Variants in RBMS3 observed in about 807,000 individuals in gnomAD.
RBMS3 encodes the protein RNA binding motif single stranded interacting protein 3.
RBMS3 carries 27 observed loss-of-function variants against 66.8 expected under a neutral mutation model. The ratio of observed to expected loss-of-function variants is 0.40; its 90% CI spans 0.30 to 0.56. RBMS3 has a LOEUF of 0.56. Among genes scored for constraint, RBMS3 ranks in the 20% least tolerant of loss-of-function variants. RBMS3 has a pLI of 0.40. For synonymous variants in RBMS3, 188 were observed against 183.0 expected (o/e 1.03, Z -0.22); for missense variants, 513 against 549.5 (o/e 0.93, Z 0.66).
intron 1 of RBMS3, among the ~76,000 whole-genome samples, chr3:29,311,758 G>C (rs1374575628): frequency 6.6e-6 from 1 of 151,786 alleles, no homozygotes; most frequent in African/African-American, 2.4e-5. Flanking sequence ...CGGAAGAGAA[G>C]ATTAGGGGGA....
chr3:29,993,834 G>A (rs1263958756), intron 14 of RBMS3, among the ~76,000 whole-genome samples: 1 of 152,178 alleles, frequency 6.6e-6, no homozygotes, highest in Non-Finnish European at 1.5e-5. Flanking sequence ...CAGTCTGCCA[G>A]CTGCAGATCA....
At chr3:29,893,689 C>G (rs1207019790) in intron 8 of RBMS3, among the ~76,000 whole-genome samples, 3 of 151,466 alleles carry the variant, frequency 2.0e-5, no homozygotes, top group African/African-American at 4.8e-5. Context: ...TAGAAAAGGA[C>G]TGTCTTTTTT....
intron 2 of RBMS3, among the ~76,000 whole-genome samples, chr3:29,444,223 G>A (rs548791414): frequency 1.2e-4 from 18 of 151,972 alleles, no homozygotes; most frequent in Non-Finnish European, 2.2e-4. Flanking sequence ...TATTTTGCAC[G>A]TGAGTACTTC....
At chr3:29,647,630 T>C (rs1021648399) in intron 4 of RBMS3, among the ~76,000 whole-genome samples, 1 of 152,156 alleles carries the variant, frequency 6.6e-6, no homozygotes, top group African/African-American at 2.4e-5. Context: ...CTTGGTATGA[T>C]TGGAACATAT....
intron 6 of RBMS3, among the ~76,000 whole-genome samples, chr3:29,811,817 A>G (rs183003507): frequency 6.6e-6 from 1 of 152,280 alleles, no homozygotes; most frequent in Admixed American, 6.5e-5. Context: ...TCACTTCCCC[A>G]GACTTCCTGC....
intron 2 of RBMS3, among the ~76,000 whole-genome samples, chr3:29,486,730 C>T (rs1028880591): frequency 3.3e-5 from 5 of 152,086 alleles, no homozygotes; most frequent in Non-Finnish European, 7.4e-5. Context: ...CTATTGTTAA[C>T]AGTCCAGTTG....
chr3:29,416,744 C>T (rs2040493219), intron 1 of RBMS3, among the ~76,000 whole-genome samples: 3 of 152,066 alleles, frequency 2.0e-5, no homozygotes, highest in South Asian at 2.1e-4. Context: ...GCTGGGCCAA[C>T]TCAAGGTTCT....
At chr3:29,767,089 C>G (rs2055961806) in intron 6 of RBMS3, 1 of 151,882 alleles carries the variant, frequency 6.6e-6, no homozygotes, top group Admixed American at 6.6e-5. Flanking sequence ...CCAAAGTGTT[C>G]CATTTTCAAA....
intron 6 of RBMS3, among the ~76,000 whole-genome samples, chr3:29,840,100 G>T (rs1298089098): frequency 1.3e-5 from 2 of 151,710 alleles, no homozygotes; most frequent in Non-Finnish European, 2.9e-5. Flanking sequence ...ATATGAAACT[G>T]TAAGGAAAAG....
intron 1 of RBMS3, among the ~76,000 whole-genome samples, chr3:29,396,056 A>G (rs185085124): frequency 2.0e-5 from 3 of 152,274 alleles, no homozygotes; most frequent in Admixed American, 1.3e-4. Flanking sequence ...ACATTAGATA[A>G]CAATTTGATC....
chr3:29,301,493 T>G (rs757721969), intron 1 of RBMS3, among the ~76,000 whole-genome samples: 8 of 152,066 alleles, frequency 5.3e-5, no homozygotes, highest in Non-Finnish European at 1.0e-4. Flanking sequence ...AGGTTTTAGT[T>G]TGACGCTTAT....
intron 2 of RBMS3, among the ~76,000 whole-genome samples, chr3:29,468,477 C>T (rs889663834): frequency 1.3e-5 from 2 of 152,102 alleles, no homozygotes; most frequent in Non-Finnish European, 1.5e-5. Context: ...ACCCTAAGTA[C>T]GTGGTAGAAT....
intron 1 of RBMS3, among the ~76,000 whole-genome samples, chr3:29,354,601 G>A (rs923518303): frequency 7.2e-5 from 11 of 151,964 alleles, no homozygotes; most frequent in African/African-American, 2.4e-4. Flanking sequence ...ACACACACAA[G>A]TATGTATACA....
chr3:30,002,665 T>A (rs1008540830), intron 14 of RBMS3, among the ~76,000 whole-genome samples: 1 of 152,018 alleles, frequency 6.6e-6, no homozygotes, highest in African/African-American at 2.4e-5. Flanking sequence ...TTGATAAAAA[T>A]TGAATATTCG....
At chr3:29,313,467 G>A (rs1277838805) in intron 1 of RBMS3, among the ~76,000 whole-genome samples, 1 of 151,630 alleles carries the variant, frequency 6.6e-6, no homozygotes, top group Non-Finnish European at 1.5e-5. Context: ...TCCAGTCTGG[G>A]ACTTCTGCCT....
chr3:29,855,130 C>G (rs1220373580), intron 6 of RBMS3, among the ~76,000 whole-genome samples: 1 of 152,150 alleles, frequency 6.6e-6, no homozygotes. Flanking sequence ...CAGATATTTA[C>G]TACATGCTAC....
At chr3:29,507,170 C>T (rs1296420036) in intron 3 of RBMS3, among the ~76,000 whole-genome samples, 7 of 151,160 alleles carry the variant, frequency 4.6e-5, no homozygotes, top group Admixed American at 3.3e-4. Flanking sequence ...ATTAGGATAT[C>T]TCTTTACTAT....
intron 4 of RBMS3, among the ~76,000 whole-genome samples, chr3:29,635,234 T>A (rs2049431429): frequency 6.6e-6 from 1 of 151,822 alleles, no homozygotes; most frequent in Non-Finnish European, 1.5e-5. Context: ...CACTACCTAC[T>A]TGACATCTGC....
At chr3:29,775,164 C>A (rs1046674349) in intron 6 of RBMS3, among the ~76,000 whole-genome samples, 2 of 151,650 alleles carry the variant, frequency 1.3e-5, no homozygotes, top group Admixed American at 6.6e-5. Context: ...TTTTGAGAAC[C>A]TACGTATGTT....
Sources: allele counts gnomAD v4.1 joint callset (sites outside exome capture counted in the v4.1 genomes callset), GRCh38; gene constraint gnomAD v4.1.1; transcripts MANE v1.5; gene names NCBI Gene and HGNC (gene_info 2026-07-23, HGNC 2026-07-21).